The following NDEL1 variants were observed in gnomAD, a reference collection of about 807,000 sequenced individuals.
NDEL1 encodes nudE neurodevelopment protein 1 like 1, also known as nuclear distribution protein nudE-like 1.
In NDEL1, 9 loss-of-function variants were observed where a neutral mutation model predicts 45.7. The ratio of observed to expected loss-of-function variants is 0.20; its 90% CI spans 0.12 to 0.34. NDEL1 has a LOEUF of 0.34. Among genes scored for constraint, NDEL1 ranks in the 10% least tolerant of loss-of-function variants. NDEL1 has a pLI of 1.00. For missense variants in NDEL1, 306 were observed against 406.2 expected (o/e 0.75, Z 2.12); for synonymous variants, 133 against 158.6 (o/e 0.84, Z 1.21).
Position 8,467,017 on chromosome 17 carries a change from TGTGTGAGTGCCTAGCCTCCAG to T in NDEL1, c.1036_*18del. On this transcript the variant is annotated stop_lost and 3_prime_UTR_variant, in exon 9 of 9. Coordinates refer to ENST00000334527, the MANE Select transcript of NDEL1 (RefSeq NM_030808.5). The surrounding 1 kb of genome is among the most constrained non-coding windows in gnomAD (Gnocchi z 6.3). ...CAGCGCCGGGTATGCTGCCTCTCAG[TGTGTGAGTGCCTAGCCTCCAG>T]GTGGGGGCTCCTGCCCTCCTCCAAC... The T allele has an allele frequency of 6.2e-7, 1 of 1,614,084 alleles. No individual in the cohort carries two copies. The highest frequency in any genetic ancestry group is 8.5e-7 in the Non-Finnish European group (1 of 1,180,008).
At chr17:8,458,287 C>T (rs975604700) in intron 7 of NDEL1, among the ~76,000 whole-genome samples, 6 of 151,910 alleles carry the variant, frequency 3.9e-5, no homozygotes, top group Admixed American at 6.6e-5. Context: ...CTCACCCTTT[C>T]GATATTGGTT....
At position 8,460,386 on chromosome 17, in the gene NDEL1, C is replaced by T. The variant is rs1436650421; in HGVS notation, c.944+226C>T. Among the ~76,000 whole-genome samples the T allele has an allele frequency of 2.6e-5, 4 of 152,138 alleles. No homozygotes were observed. In the East Asian group the frequency reaches 7.7e-4, roughly 29 times the overall value. On this transcript the variant is annotated intron_variant, in intron 8 of 8. Transcript: ENST00000334527. ...TGAGGCTTCTGTCCTGGGAAGCAGA[C>T]TCTTGAAAGGCAGCAGTGTGAGGCT...
chr17:8,460,201 A>G, intron 8 of NDEL1, 41 bp downstream of exon 8: 2 of 1,589,654 alleles, frequency 1.3e-6, no homozygotes, highest in Non-Finnish European at 1.7e-6. Flanking sequence ...TTTGAGTAGT[A>G]AAGTGACAGG....
intron 8 of NDEL1, among the ~76,000 whole-genome samples, chr17:8,460,465 C>T (rs551488097): frequency 3.9e-5 from 6 of 152,244 alleles, no homozygotes; most frequent in African/African-American, 1.2e-4. Flanking sequence ...TGCTTACAGG[C>T]TGGCAGACTT....
At chr17:8,416,174 G>T (rs574192075) in intron 1 of NDEL1, among the ~76,000 whole-genome samples, 1 of 152,266 alleles carries the variant, frequency 6.6e-6, no homozygotes, top group African/African-American at 2.4e-5. Context: ...TACCCATTAA[G>T]CACTGAATCC....
At chr17:8,426,480 G>C (rs1908835016) in intron 1 of NDEL1, among the ~76,000 whole-genome samples, 1 of 152,186 alleles carries the variant, frequency 6.6e-6, no homozygotes, top group South Asian at 2.1e-4. Flanking sequence ...TGTTTATGGA[G>C]GTGTGATGTC....
chr17:8,413,665 A>C (rs745946480), intron 1 of NDEL1, among the ~76,000 whole-genome samples: 2 of 152,170 alleles, frequency 1.3e-5, no homozygotes, highest in African/African-American at 4.8e-5. Flanking sequence ...TGCTGAGCTG[A>C]CCAAGTTAGG....
chr17:8,437,804 A>T (rs1313356502), intron 1 of NDEL1, among the ~76,000 whole-genome samples: 1 of 152,178 alleles, frequency 6.6e-6, no homozygotes, highest in East Asian at 1.9e-4. Flanking sequence ...CATTTTGGAC[A>T]GGCTGTTTTA....
At chr17:8,453,458 C>G (rs1910646106) in intron 6 of NDEL1, among the ~76,000 whole-genome samples, 1 of 152,126 alleles carries the variant, frequency 6.6e-6, no homozygotes. Flanking sequence ...GTTATTTGCC[C>G]CCTCTTACAT....
intron 8 of NDEL1, among the ~76,000 whole-genome samples, chr17:8,461,634 T>C (rs1911211817): frequency 6.6e-6 from 1 of 152,210 alleles, no homozygotes; most frequent in Non-Finnish European, 1.5e-5. Flanking sequence ...CAGGCAGACT[T>C]GCGGCAGCCC....
At chr17:8,438,022 A>G (rs886479568) in intron 1 of NDEL1, among the ~76,000 whole-genome samples, 6 of 151,902 alleles carry the variant, frequency 3.9e-5, no homozygotes, top group African/African-American at 7.3e-5. Flanking sequence ...GCAGTGGCAC[A>G]ATCTCGGCTC....
At chr17:8,444,226 C>T in intron 1 of NDEL1, 34 bp from the exon 2 acceptor site, 1 of 1,353,118 alleles carries the variant, frequency 7.4e-7, no homozygotes, top group Non-Finnish European at 1.1e-6. Context: ...TCTCTGTTCT[C>T]TAATTTGTTA....
At chr17:8,463,012 T>A (rs1911316991) in intron 8 of NDEL1, 2 of 253,088 alleles carry the variant, frequency 7.9e-6, no homozygotes, top group East Asian at 1.8e-4. Context: ...CTTCTGCCAG[T>A]TCCTGAAACA....
At chr17:8,456,492 C>CTTTTTT (rs57327945) in intron 7 of NDEL1, among the ~76,000 whole-genome samples, 2 of 82,812 alleles carry the variant, frequency 2.4e-5, no homozygotes, top group Admixed American at 1.5e-4. Context: ...TAGGTTATAT[C>CTTTTTT]TTTTTTTTTT....
upstream of NDEL1, among the ~76,000 whole-genome samples, chr17:8,434,809 C>T (rs926351789): frequency 6.6e-6 from 1 of 151,910 alleles, no homozygotes; most frequent in Non-Finnish European, 1.5e-5. Flanking sequence ...CTGTGTCTCA[C>T]GCCTGTAATC....
At position 8,467,458 on chromosome 17, in the gene NDEL1, C is replaced by T. The variant is rs941196455; in HGVS notation, c.*435C>T. On this transcript the variant is annotated 3_prime_UTR_variant, in exon 9 of 9. Coordinates refer to ENST00000334527, the MANE Select transcript of NDEL1 (RefSeq NM_030808.5). This position sits in a 1 kb window ranked among gnomAD's most constrained non-coding sequence, Gnocchi z 6.3. ...GTGCCCTCCTGAGCTCCCACCCAGG[C>T]ATCTCCAGTGCTCATGATCATGTGT... 1 of 386,280 alleles carries T rather than the reference C, an allele frequency of 2.6e-6. No individual in the cohort carries two copies. Among genetic ancestry groups the T allele is most frequent in the Middle Eastern group, 6.5e-4 (1 of 1,540 alleles). The allele number at this position is 386,280 out of a possible 1,614,324, so 23.9% of individuals were successfully genotyped here.
chr17:8,436,566 C>T (rs759912292), intron 1 of NDEL1: 1 of 152,308 alleles, frequency 6.6e-6, no homozygotes, highest in Non-Finnish European at 1.5e-5. Context: ...TCTCCTGACT[C>T]CCGCCCGGAA....
intron 1 of NDEL1, 159 bp from the exon 2 acceptor site, chr17:8,444,101 A>G: frequency 3.6e-6 from 2 of 562,604 alleles, no homozygotes; most frequent in Non-Finnish European, 6.3e-6. Context: ...GGAGCAGTGG[A>G]GTGATTGACG....
At chr17:8,413,549 C>T (rs958545577) in intron 1 of NDEL1, among the ~76,000 whole-genome samples, 22 of 152,182 alleles carry the variant, frequency 1.4e-4, no homozygotes, top group Admixed American at 1.4e-3. Context: ...TTCCTATTTC[C>T]TGAACTGCCC....
Sources: gnomAD v4.1 joint callset for allele counts (sites outside exome capture counted in the v4.1 genomes callset) on GRCh38, gnomAD v4.1.1 for gene constraint, Gnocchi (gnomAD v3.1) non-coding constraint, MANE v1.5 for transcripts, NCBI Gene and HGNC (gene_info 2026-07-23, HGNC 2026-07-21) for gene names.